TSPAN16: variants seen among roughly 807,000 people sequenced by gnomAD.
The protein encoded by TSPAN16 is tetraspanin-16.
In TSPAN16, 23 loss-of-function variants were observed where a neutral mutation model predicts 25.2. That is an observed-to-expected ratio of 0.91 (90% CI 0.66 to 1.29). The LOEUF is 1.29. Ranked by LOEUF, TSPAN16 falls within the 50% of genes most tolerant of loss-of-function variation. The probability of loss-of-function intolerance (pLI) is 0.00; values close to 1 mark genes in which losing one functional copy is unlikely to be tolerated. For missense variants in TSPAN16, 272 were observed against 299.9 expected, an observed-to-expected ratio of 0.91 and a Z score of 0.69; for synonymous variants, 123 against 124.4, an observed-to-expected ratio of 0.99 and a Z score of 0.08.
downstream of TSPAN16, among the ~76,000 whole-genome samples, chr19:11,320,261 A>G (rs140207618): frequency 8.4e-4 from 128 of 152,080 alleles, no homozygotes; most frequent in African/African-American, 2.3e-3. Context: ...AGCTGGGATT[A>G]CAGGCATGTG....
At chr19:11,320,064 C>T (rs2080768937), downstream of TSPAN16, among the ~76,000 whole-genome samples, 2 of 151,640 alleles carry the variant, frequency 1.3e-5, no homozygotes, top group South Asian at 2.1e-4. Flanking sequence ...GTGACCTGCC[C>T]GCCTCCGCCT....
At chr19:11,305,752 G>A (rs1483082804) in intron 4 of TSPAN16, among the ~76,000 whole-genome samples, 1 of 152,032 alleles carries the variant, frequency 6.6e-6, no homozygotes, top group African/African-American at 2.4e-5. Context: ...TGTAGTCCCA[G>A]CTACTCAGGA....
At chr19:11,321,083 T>C (rs1480790314) in intron 6 of TSPAN16, among the ~76,000 whole-genome samples, 1 of 150,898 alleles carries the variant, frequency 6.6e-6, no homozygotes, top group East Asian at 1.9e-4. Context: ...GCAGGAGAAT[T>C]GCTTGAACCT....
In TSPAN16 at chr19:11,298,925, G is replaced by C; in HGVS notation, c.321G>C (p.Val107=). The C allele has an allele frequency of 1.9e-6, 3 of 1,613,986 alleles. No individual in the cohort carries two copies. The highest frequency in any genetic ancestry group is 2.2e-5 in the South Asian group (2 of 91,068). The change falls in exon 3 of 7, where the codon GTG becomes GTC. Residue 107 remains valine (V), a synonymous_variant. Transcript: ENST00000590327. The part of the protein sequence containing the change: ...VLIMEVTAAT[V]VLLFFPIVGD... ...TCATGGAAGTTACAGCTGCCACAGT[G>C]GTCCTTCTTTTCTTTCCAATTGTAA...
chr19:11,320,807 G>T (rs1040437885), downstream of TSPAN16, among the ~76,000 whole-genome samples: 11 of 152,130 alleles, frequency 7.2e-5, no homozygotes, highest in African/African-American at 2.7e-4. Context: ...GTTCAGTTAG[G>T]GGAGCTTTGT....
intron 1 of TSPAN16, 121 bp downstream of exon 1, chr19:11,296,487 C>A: frequency 9.7e-7 from 1 of 1,029,316 alleles, no homozygotes; most frequent in Non-Finnish European, 1.5e-6. Context: ...CCTGGAGAAG[C>A]AGGAGGGATG....
chr19:11,304,592 T>A (rs984719597), intron 4 of TSPAN16, among the ~76,000 whole-genome samples: 1 of 151,490 alleles, frequency 6.6e-6, no homozygotes, highest in Non-Finnish European at 1.5e-5. Flanking sequence ...TGGCATGACC[T>A]CGGCTCACTG....
downstream of TSPAN16, chr19:11,315,997 T>C (rs2080745509): frequency 1.6e-6 from 2 of 1,218,964 alleles, no homozygotes; most frequent in African/African-American, 3.1e-5. Flanking sequence ...CTCCTTACTT[T>C]CATTTTTGGC....
chr19:11,296,343 T>C lies in TSPAN16; in HGVS notation c.46T>C (p.Ser16Pro), dbSNP rs759112083. 1.2e-5 allele frequency: 20 copies of C among 1,614,076 alleles called. No individual in the cohort carries two copies. The highest frequency in any genetic ancestry group is 4.5e-5 in the East Asian group (2 of 44,894). The part of the protein sequence containing the change: ...TPYSSLKKLL[S>P]LLNGFVAVSG... ...GTATTCTTCCTTGAAGAAACTGTTA[T>C]CTTTACTCAATGGCTTCGTGGCTGT... is the stretch of plus-strand genomic sequence containing the variant. The change falls in exon 1 of 7, where the codon TCT (serine) becomes CCT (proline). Residue 16 changes from serine (S) to proline (P), a missense_variant. Coordinates refer to ENST00000590327, the MANE Select transcript of TSPAN16 (RefSeq NM_001282509.2).
chr19:11,325,547 T>C, intron 6 of TSPAN16: 1 of 1,613,462 alleles, frequency 6.2e-7, no homozygotes, highest in Non-Finnish European at 8.5e-7. Flanking sequence ...TGCTTCACAT[T>C]GATGTTCTCC....
At chr19:11,324,843 G>C (rs776943814) in intron 6 of TSPAN16, 1 of 152,562 alleles carries the variant, frequency 6.6e-6, no homozygotes, top group Admixed American at 6.5e-5. Context: ...GGGTCTGCAG[G>C]GGTCAAAGGG....
At chr19:11,296,407 C>G (rs771739011) in intron 1 of TSPAN16, 41 bp downstream of exon 1, 12 of 1,592,684 alleles carry the variant, frequency 7.5e-6, no homozygotes, top group African/African-American at 1.3e-5. Flanking sequence ...TGTTGCAGCC[C>G]TTCCTCCACA....
At chr19:11,317,011 C>T (rs576820409), downstream of TSPAN16, among the ~76,000 whole-genome samples, 1 of 151,812 alleles carries the variant, frequency 6.6e-6, no homozygotes, top group Non-Finnish European at 1.5e-5. Context: ...GGAGTTTCAC[C>T]AGGCTGGTCT....
chr19:11,300,917 T>C (rs755701344), intron 3 of TSPAN16: 6 of 302,474 alleles, frequency 2.0e-5, no homozygotes, highest in Non-Finnish European at 3.2e-5. Context: ...TGCAGCAGGG[T>C]GTAGGCGATT....
chr19:11,321,987 T>G (rs1244296093), intron 6 of TSPAN16: 1 of 152,180 alleles, frequency 6.6e-6, no homozygotes, highest in Non-Finnish European at 1.5e-5. Flanking sequence ...GAAGAGCCCT[T>G]GACTGATATC....
rs575895980 is a variant in TSPAN16 at position 11,306,522 on chromosome 19, G to A, written c.451-82G>A. On this transcript the variant is annotated intron_variant, in intron 4 of 6. Transcript: ENST00000590327. ...TCTCTGGGATATTGTGACCATACTAGACGGTAGCCATGGTAACCGTGATTT... is the reference window on the plus strand; with the variant it reads ...TCTCTGGGATATTGTGACCATACTAAACGGTAGCCATGGTAACCGTGATTT... 40 of 1,511,388 alleles carry A rather than the reference G, an allele frequency of 2.6e-5. No homozygotes were observed. The African/African-American group carries it at 4.7e-4, about 18-fold the overall frequency. The allele number at this position is 1,511,388 out of a possible 1,614,324, so 93.6% of individuals were successfully genotyped here.
At position 11,296,224 on chromosome 19, in the gene TSPAN16, A is replaced by T. The variant is rs1196392234; in HGVS notation, c.-74A>T. 2 of 1,497,222 alleles carry T rather than the reference A, an allele frequency of 1.3e-6. No individual in the cohort carries two copies. The highest frequency in any genetic ancestry group is 1.2e-5 in the South Asian group (1 of 86,278). The allele number at this position is 1,497,222 out of a possible 1,614,324, so 92.7% of individuals were successfully genotyped here. On this transcript the variant is annotated 5_prime_UTR_variant, in exon 1 of 7. Transcript: ENST00000590327. ...GGCGCCCCTTCCTCAGATCCCTATC[A>T]TCTTGGGAAACAGTAGCCCAGAGGT...
chr19:11,298,042 A>G, intron 1 of TSPAN16, 100 bp from the exon 2 acceptor site: 2 of 1,307,268 alleles, frequency 1.5e-6, no homozygotes, highest in Admixed American at 1.9e-5. Context: ...TTGGCCTCCC[A>G]AAGTGCTGGG....
chr19:11,296,194 G>A lies in TSPAN16; in HGVS notation c.-104G>A. 1 of 1,232,188 alleles carries A rather than the reference G, an allele frequency of 8.1e-7. No individual in the cohort carries two copies. Among genetic ancestry groups the A allele is most frequent in the Non-Finnish European group, 1.2e-6 (1 of 854,848 alleles). The allele number at this position is 1,232,188 out of a possible 1,614,324, so 76.3% of individuals were successfully genotyped here. ...GGACACAGAGGGGCAGAGCAAGTCA[G>A]CATTGGCGCCCCTTCCTCAGATCCC... On this transcript the variant is annotated 5_prime_UTR_variant, in exon 1 of 7. Transcript: ENST00000590327.
Sources: gnomAD v4.1 joint callset for allele counts (sites outside exome capture counted in the v4.1 genomes callset) on GRCh38, gnomAD v4.1.1 for gene constraint, MANE v1.5 for transcripts, NCBI Gene and HGNC (gene_info 2026-07-23, HGNC 2026-07-21) for gene names.